CDH13: variants seen among roughly 807,000 people sequenced by gnomAD.
The protein encoded by CDH13 is cadherin-13.
In CDH13, 24 loss-of-function variants were observed where a neutral mutation model predicts 63.8. That is an observed-to-expected ratio of 0.38 (90% CI 0.27 to 0.53). The LOEUF (loss-of-function observed/expected upper bound fraction) is 0.53, where lower values mean the gene tolerates loss of function less well. CDH13 is among the 20% of genes least tolerant of loss of function. The probability of loss-of-function intolerance (pLI) is 0.85; values close to 1 mark genes in which losing one functional copy is unlikely to be tolerated. For synonymous variants in CDH13, 503 were observed against 355.3 expected (o/e 1.42, Z -4.67); for missense variants, 1,049 against 903.1 (o/e 1.16, Z -2.07).
intron 2 of CDH13, among the ~76,000 whole-genome samples, chr16:82,865,798 C>T (rs2040112630): frequency 6.6e-6 from 1 of 152,218 alleles, no homozygotes; most frequent in African/African-American, 2.4e-5. Context: ...AATTTCTCCC[C>T]AGAAAATGTT....
rs78929414 is a variant in CDH13 at position 82,687,953 on chromosome 16, G to A, written c.45+60816G>A. Among the ~76,000 whole-genome samples, 791 of 152,240 alleles carry A rather than the reference G, an allele frequency of 5.2e-3. 7 individuals carry two copies. The highest frequency in any genetic ancestry group is 0.017 in the African/African-American group (692 of 41,538). ...CTCAGACATGCTTGGGACCGCGTTC[G>A]TAGGACAACTTTTACTGTCCATTGC... On this transcript the variant is annotated intron_variant, in intron 1 of 13. Coordinates refer to ENST00000567109, the MANE Select transcript of CDH13 (RefSeq NM_001257.5).
intron 2 of CDH13, among the ~76,000 whole-genome samples, chr16:82,952,763 C>T (rs569424267): frequency 6.6e-6 from 1 of 152,350 alleles, no homozygotes; most frequent in East Asian, 1.9e-4. Context: ...CCATTCTCTA[C>T]TCTCTGGTGC....
chr16:83,207,966 A>T (rs1037622129), intron 4 of CDH13, among the ~76,000 whole-genome samples: 1 of 152,202 alleles, frequency 6.6e-6, no homozygotes, highest in Admixed American at 6.5e-5. Context: ...AAGGATCTGG[A>T]TGGTAGATTC....
At chr16:83,443,226 A>G (rs1457431228) in intron 6 of CDH13, among the ~76,000 whole-genome samples, 1 of 152,142 alleles carries the variant, frequency 6.6e-6, no homozygotes, top group Non-Finnish European at 1.5e-5. Flanking sequence ...AGAATGGTGG[A>G]TGGAGTTCTA....
At chr16:83,476,922 C>G (rs1424634689) in intron 6 of CDH13, among the ~76,000 whole-genome samples, 1 of 152,084 alleles carries the variant, frequency 6.6e-6, no homozygotes, top group Non-Finnish European at 1.5e-5. Flanking sequence ...AAAAGAACTT[C>G]ATGGGAATGG....
intron 1 of CDH13, among the ~76,000 whole-genome samples, chr16:82,803,760 G>A (rs1224468043): frequency 6.7e-6 from 1 of 150,316 alleles, no homozygotes; most frequent in African/African-American, 2.5e-5. Context: ...CTTATATGAG[G>A]TATCTAAAAT....
chr16:83,425,563 CCTT>C (rs2151476343), intron 6 of CDH13, among the ~76,000 whole-genome samples: 2 of 152,330 alleles, frequency 1.3e-5, no homozygotes, highest in African/African-American at 4.8e-5. Flanking sequence ...TCAAAAATAT[CCTT>C]CTGCTAATTC....
chr16:83,112,043 A>G (rs997158624), intron 3 of CDH13, among the ~76,000 whole-genome samples: 1 of 152,252 alleles, frequency 6.6e-6, no homozygotes, highest in Non-Finnish European at 1.5e-5. Flanking sequence ...AAAAGTTTCC[A>G]GAGTTCTAGG....
chr16:82,780,129 T>A (rs2035684009), intron 1 of CDH13, among the ~76,000 whole-genome samples: 10 of 152,144 alleles, frequency 6.6e-5, no homozygotes, highest in Admixed American at 5.9e-4. Context: ...TTGCAGAGAC[T>A]TCTGCTCCCT....
intron 7 of CDH13, among the ~76,000 whole-genome samples, chr16:83,593,156 C>G (rs576790291): frequency 6.6e-6 from 1 of 152,282 alleles, no homozygotes; most frequent in African/African-American, 2.4e-5. Context: ...CCTGTTTAGG[C>G]TTCATATTGC....
At chr16:82,847,158 C>T (rs150638073) in intron 1 of CDH13, among the ~76,000 whole-genome samples, 8 of 152,150 alleles carry the variant, frequency 5.3e-5, no homozygotes, top group Non-Finnish European at 1.0e-4. Context: ...GTAAAGGGAA[C>T]CCATATTTTC....
intron 2 of CDH13, among the ~76,000 whole-genome samples, chr16:82,970,890 A>G (rs1231390370): frequency 1.3e-5 from 2 of 152,194 alleles, no homozygotes; most frequent in Non-Finnish European, 2.9e-5. Context: ...TTACCTTCCA[A>G]TGCCCAGTGC....
chr16:83,422,962 C>T (rs538583357), intron 6 of CDH13, among the ~76,000 whole-genome samples: 1 of 152,062 alleles, frequency 6.6e-6, no homozygotes, highest in Non-Finnish European at 1.5e-5. Context: ...AACACTATGC[C>T]AAATACTAGG....
At chr16:83,130,331 C>T (rs1597387117) in intron 4 of CDH13, among the ~76,000 whole-genome samples, 1 of 152,312 alleles carries the variant, frequency 6.6e-6, no homozygotes, top group South Asian at 2.1e-4. Context: ...CAGAGCCAAG[C>T]TTTGTTACTG....
chr16:83,378,189 G>A (rs1030439443), intron 6 of CDH13, among the ~76,000 whole-genome samples: 6 of 152,056 alleles, frequency 3.9e-5, no homozygotes, highest in Admixed American at 2.6e-4. Context: ...AAGTGCTTTC[G>A]GTCTCATCCT....
intron 2 of CDH13, 138 bp from the exon 3 acceptor site, chr16:83,031,872 C>T: frequency 1.5e-6 from 1 of 679,400 alleles, no homozygotes; most frequent in Non-Finnish European, 2.5e-6. Context: ...AGGCATCTTG[C>T]TGTGGGATAA....
chr16:83,664,098 A>T (rs957044798), intron 8 of CDH13, among the ~76,000 whole-genome samples: 1 of 152,138 alleles, frequency 6.6e-6, no homozygotes, highest in African/African-American at 2.4e-5. Context: ...TCAAGGCTGC[A>T]GTGAGCCGTG....
intron 7 of CDH13, among the ~76,000 whole-genome samples, chr16:83,532,631 A>T (rs1001192554): frequency 6.6e-6 from 1 of 152,196 alleles, no homozygotes; most frequent in African/African-American, 2.4e-5. Flanking sequence ...TATCAGCTCC[A>T]CATTCGCCAT....
intron 10 of CDH13, among the ~76,000 whole-genome samples, chr16:83,700,529 C>A (rs1416103302): frequency 6.6e-6 from 1 of 152,226 alleles, no homozygotes; most frequent in Non-Finnish European, 1.5e-5. Context: ...AAAACATGGC[C>A]TTCCTCTTGG....
Sources: allele counts gnomAD v4.1 joint callset (sites outside exome capture counted in the v4.1 genomes callset), GRCh38; gene constraint gnomAD v4.1.1; transcripts MANE v1.5; gene names NCBI Gene and HGNC (gene_info 2026-07-23, HGNC 2026-07-21).